NEURL3: variants seen among roughly 807,000 people sequenced by gnomAD.
NEURL3 encodes neuralized E3 ubiquitin protein ligase 3.
NEURL3 carries 19 observed loss-of-function variants against 17.6 expected under a neutral mutation model. The observed-to-expected ratio is 1.08, with a 90% CI of 0.75 to 1.58. The LOEUF is 1.58. NEURL3 is among the 40% of genes most tolerant of loss of function. The pLI is 0.00. For missense variants in NEURL3, 342 were observed against 379.6 expected (o/e 0.90, Z 0.82); for synonymous variants, 180 against 161.4 (o/e 1.11, Z -0.87).
At chr2:96,505,425 A>G, upstream of NEURL3, 2 of 789,004 alleles carry the variant, frequency 2.5e-6, no homozygotes, top group South Asian at 3.1e-5. Flanking sequence ...GATTAATTCA[A>G]TGGTGCTGTC....
intron 1 of NEURL3, among the ~76,000 whole-genome samples, chr2:96,503,476 G>T (rs979010694): frequency 3.9e-5 from 6 of 152,198 alleles, no homozygotes; most frequent in African/African-American, 1.4e-4. Flanking sequence ...GCAGCCCCCT[G>T]GGACCTGGCA....
At chr2:96,501,850 C>T (rs2065510988) in intron 1 of NEURL3, among the ~76,000 whole-genome samples, 1 of 152,108 alleles carries the variant, frequency 6.6e-6, no homozygotes, top group African/African-American at 2.4e-5. Context: ...TGGCTGTTTG[C>T]TGTTGAAAAT....
rs1275694927 is a variant in NEURL3, at chr2:96,499,140, G to GC, written c.586+237dup. 9.4e-6 allele frequency: 12 copies of GC among 1,281,640 alleles called. No individual in the cohort carries two copies. The Admixed American group carries it at 2.1e-4, about 22-fold the overall frequency. 79.4% of individuals were successfully genotyped at this position (1,281,640 alleles called of 1,614,324 possible). On this transcript the variant is annotated intron_variant, in intron 3 of 3. Transcript: ENST00000451794. ...CAATGAATGTGGATGATTTTTTAAA[G>GC]CAAGAACAAAATAACACTGTCTGTT...
At chr2:96,506,245 A>G (rs2065559863), upstream of NEURL3, among the ~76,000 whole-genome samples, 1 of 152,122 alleles carries the variant, frequency 6.6e-6, no homozygotes, top group Non-Finnish European at 1.5e-5. Flanking sequence ...TCTCACTGTC[A>G]TTCAGGCTAG....
upstream of NEURL3, among the ~76,000 whole-genome samples, chr2:96,506,105 C>T (rs138288352): frequency 3.9e-5 from 6 of 152,338 alleles, no homozygotes; most frequent in African/African-American, 1.4e-4. Flanking sequence ...TTACTCTAAC[C>T]TAGTGCTCCT....
Position 96,498,438 on chromosome 2 carries a change from C to T in NEURL3, c.595G>A (p.Gly199Arg). The T allele has an allele frequency of 6.3e-7, 1 of 1,595,320 alleles. No homozygotes were observed. Among genetic ancestry groups the T allele is most frequent in the Non-Finnish European group, 8.5e-7 (1 of 1,176,498 alleles). The stretch of plus-strand genomic sequence containing the variant: ...TAGAAGCAGATGGCACACTCCTCTC[C>T]TGGTGTGGCTGGAAGAGGGAGCAAC... The part of the protein sequence containing the change: ...KAVPEPKATP[G>R]EECAICFYHA... The change falls in exon 4 of 4, where the codon GGA becomes AGA. Residue 199 changes from glycine (G) to arginine (R), a missense_variant. By Grantham distance (125) the Gly-to-Arg change is moderately radical. Transcript: ENST00000451794. This position sits in a 1 kb window ranked among gnomAD's most constrained non-coding sequence, Gnocchi z 4.4.
intron 2 of NEURL3, 147 bp from the exon 3 acceptor site, chr2:96,499,596 C>A: frequency 4.7e-6 from 3 of 638,298 alleles, no homozygotes; most frequent in Non-Finnish European, 8.2e-6. Context: ...AAGACCCTGT[C>A]CTGGCCATCC....
At chr2:96,503,128 C>T (rs1022890778) in intron 1 of NEURL3, among the ~76,000 whole-genome samples, 3 of 152,144 alleles carry the variant, frequency 2.0e-5, no homozygotes, top group Non-Finnish European at 4.4e-5. Context: ...GGCAGGTGAC[C>T]TCACTCCTCC....
intron 3 of NEURL3, chr2:96,499,060 G>T: frequency 1.4e-6 from 1 of 735,108 alleles, no homozygotes; most frequent in South Asian, 3.7e-5. Flanking sequence ...TTACAGGTGT[G>T]AGCCACTGCA....
intron 1 of NEURL3, among the ~76,000 whole-genome samples, chr2:96,502,562 C>T (rs1173607837): frequency 6.6e-6 from 1 of 152,276 alleles, no homozygotes; most frequent in Admixed American, 6.5e-5. Flanking sequence ...TGTTCACTGC[C>T]TACCTGGCCA....
rs1229958188 is a variant in NEURL3 at position 96,498,812 on chromosome 2, C to G, written c.587-366G>C. Among the ~76,000 whole-genome samples the G allele has an allele frequency of 6.6e-6, 1 of 152,108 alleles. No homozygotes were observed. Among genetic ancestry groups the G allele is most frequent in the Non-Finnish European group, 1.5e-5 (1 of 68,018 alleles). The stretch of plus-strand genomic sequence containing the variant: ...TTTATTTTTTAGAGACAGTCTCACT[C>G]TGTCATCCAGGCTGGAGTGCAGTGG... On this transcript the variant is annotated intron_variant, in intron 3 of 3. Transcript: ENST00000451794. The surrounding 1 kb of genome is among the most constrained non-coding windows in gnomAD (Gnocchi z 4.4).
Position 96,500,723 on chromosome 2 carries a change from C to T in NEURL3, c.230G>A (p.Arg77His), listed in dbSNP as rs1170873462. The T allele has an allele frequency of 1.3e-6, 2 of 1,515,928 alleles. No individual in the cohort carries two copies. Among genetic ancestry groups the T allele is most frequent in the Non-Finnish European group, 1.8e-6 (2 of 1,138,382 alleles). The allele number at this position is 1,515,928 out of a possible 1,614,324, so 93.9% of individuals were successfully genotyped here. Residue 77 changes from arginine to histidine, a missense_variant, in exon 2 of 4, where the codon CGC becomes CAC. Transcript: ENST00000451794. ...GGGGTCCAGGCGCGTGAAGCCCACG[C>T]GGAGGCCGCCGCACCAGCCGCTCTC... Reference protein sequence around the residue: ...REESGWCGGLRVGFTRLDPAC... With the variant: ...REESGWCGGLHVGFTRLDPAC...
Position 96,498,114 on chromosome 2 carries a change from G to A in NEURL3, c.*130C>T. ...AGCACCTCCCTGCCTTCCTCTCTCT[G>A]CCGCACCTCTTGCTAATCAGCCTTT... On this transcript the variant is annotated 3_prime_UTR_variant, in exon 4 of 4. Coordinates refer to ENST00000451794, the MANE Select transcript of NEURL3 (RefSeq NM_001285485.2). This position sits in a 1 kb window ranked among gnomAD's most constrained non-coding sequence, Gnocchi z 4.4. The A allele has an allele frequency of 1.0e-6, 1 of 957,272 alleles. No individual in the cohort carries two copies. Among genetic ancestry groups the A allele is most frequent in the Non-Finnish European group, 1.5e-6 (1 of 663,862 alleles). 59.3% of individuals were successfully genotyped at this position (957,272 alleles called of 1,614,324 possible). A position where few individuals can be genotyped will look rare whatever the true frequency, so the allele number is the denominator to read the frequency against.
rs1157285400 is a variant in NEURL3, at chr2:96,504,877, C to CAAAAAAAAAAAAAAAAAA, written c.28+364_28+381dup. On this transcript the variant is annotated intron_variant, in intron 1 of 3. Transcript: ENST00000451794. ...TGGGCAACAGAGCGAGACTCCGTCT[C>CAAAAAAAAAAAAAAAAAA]AAAAAAAAAAAAAAAAAAAAAAAGA... Among the ~76,000 whole-genome samples the CAAAAAAAAAAAAAAAAAA allele has an allele frequency of 8.7e-3, 479 of 55,236 alleles. 25 individuals are homozygous for CAAAAAAAAAAAAAAAAAA. The highest frequency in any genetic ancestry group is 0.012 in the East Asian group (15 of 1,286). 36.2% of individuals were successfully genotyped at this position (55,236 alleles called of 152,430 possible).
In NEURL3 at chr2:96,500,795, C is replaced by A; in HGVS notation, c.158G>T (p.Arg53Leu). Residue 53 changes from arginine to leucine, a missense_variant, in exon 2 of 4, where the codon CGG becomes CTG. Arg to Leu is a moderately radical substitution (Grantham distance 102, BLOSUM62 -2). Transcript: ENST00000451794. ...TFHDGIVFSQ[R>L]PVRLGERVAL... is the part of the protein sequence containing the mutation. Reference sequence around the variant, plus strand: ...CACACGCTCGCCCAGGCGCACCGGCCGCTGGCTGAACACGATGCCGTCGTG... The same window carrying A: ...CACACGCTCGCCCAGGCGCACCGGCAGCTGGCTGAACACGATGCCGTCGTG... 1.3e-6 allele frequency: 2 copies of A among 1,526,624 alleles called. No homozygotes were observed. Among genetic ancestry groups the A allele is most frequent in the Non-Finnish European group, 1.8e-6 (2 of 1,142,260 alleles). The allele number at this position is 1,526,624 out of a possible 1,614,324, so 94.6% of individuals were successfully genotyped here.
chr2:96,501,785 C>T (rs1036032413), intron 1 of NEURL3, among the ~76,000 whole-genome samples: 6 of 152,164 alleles, frequency 3.9e-5, no homozygotes, highest in African/African-American at 1.4e-4. Flanking sequence ...CCTTAGCCGG[C>T]CTTGCCCCTC....
chr2:96,506,891 G>A (rs901325014), upstream of NEURL3, among the ~76,000 whole-genome samples: 1 of 152,138 alleles, frequency 6.6e-6, no homozygotes, highest in Non-Finnish European at 1.5e-5. Flanking sequence ...TGAGGCAGCT[G>A]GGGGGCAGAG....
chr2:96,500,529 G>C lies in NEURL3; in HGVS notation c.424C>G (p.Arg142Gly). 3 of 1,579,358 alleles carry C rather than the reference G, an allele frequency of 1.9e-6. No homozygotes were observed. The highest frequency in any genetic ancestry group is 2.6e-6 in the Non-Finnish European group (3 of 1,171,302). The change falls in exon 2 of 4, where the codon CGG becomes GGG. Residue 142 changes from arginine (R) to glycine (G), a missense_variant. Physicochemically the swap from Arg to Gly is moderately radical, Grantham distance 125 (BLOSUM62 -2). Transcript: ENST00000451794. Reference sequence around the variant, plus strand: ...GGCACGCCCTCACGCAGCAGGAGCCGGCAGCCGGCGTTGACCTTGGCGAAG... The same window carrying C: ...GGCACGCCCTCACGCAGCAGGAGCCCGCAGCCGGCGTTGACCTTGGCGAAG... ...CLFAKVNAGC[R>G]LLLREGVPVG...
chr2:96,503,409 G>C (rs145130630), intron 1 of NEURL3, among the ~76,000 whole-genome samples: 2 of 152,138 alleles, frequency 1.3e-5, no homozygotes, highest in Non-Finnish European at 2.9e-5. Flanking sequence ...TTCCGCAGCC[G>C]GGGCATCTAA....
Sources: allele counts gnomAD v4.1 joint callset (sites outside exome capture counted in the v4.1 genomes callset), GRCh38; gene constraint gnomAD v4.1.1; non-coding constraint Gnocchi (gnomAD v3.1); transcripts MANE v1.5; gene names NCBI Gene and HGNC (gene_info 2026-07-23, HGNC 2026-07-21).